CADPS2: variants seen among roughly 807,000 people sequenced by gnomAD.
CADPS2 encodes calcium-dependent secretion activator 2.
In CADPS2, 93 loss-of-function variants were observed where a neutral mutation model predicts 172.5. That is an observed-to-expected ratio of 0.54 (90% CI 0.46 to 0.64). The LOEUF (loss-of-function observed/expected upper bound fraction) is 0.64, where lower values mean the gene tolerates loss of function less well. Ranked by LOEUF, CADPS2 falls within the 30% of genes least tolerant of loss-of-function variation. CADPS2 has a pLI of 0.00. For synonymous variants in CADPS2, 546 were observed against 555.2 expected (o/e 0.98, Z 0.23); for missense variants, 1,420 against 1,565.9 (o/e 0.91, Z 1.57).
chr7:122,764,193 T>C (rs1254572357), intron 1 of CADPS2, among the ~76,000 whole-genome samples: 2 of 152,074 alleles, frequency 1.3e-5, no homozygotes, highest in Non-Finnish European at 2.9e-5. Flanking sequence ...GAATGCCTTA[T>C]CTGATCCCTA....
At chr7:122,790,254 CCAGGT>C (rs1794996387) in intron 1 of CADPS2, among the ~76,000 whole-genome samples, 1 of 151,484 alleles carries the variant, frequency 6.6e-6, no homozygotes, top group Non-Finnish European at 1.5e-5. Flanking sequence ...TAAAAATTAG[CCAGGT>C]GCAGTGATGT....
At chr7:122,834,805 A>T (rs1359602501) in intron 1 of CADPS2, among the ~76,000 whole-genome samples, 1 of 152,152 alleles carries the variant, frequency 6.6e-6, no homozygotes. Flanking sequence ...AACTGGGTGG[A>T]GCCCACCGCA....
intron 1 of CADPS2, among the ~76,000 whole-genome samples, chr7:122,835,905 T>C (rs1260366624): frequency 6.6e-6 from 1 of 152,032 alleles, no homozygotes; most frequent in African/African-American, 2.4e-5. Context: ...CAGGCCAACA[T>C]TCAAACTCAG....
intron 7 of CADPS2, among the ~76,000 whole-genome samples, chr7:122,563,953 G>A (rs973595048): frequency 6.6e-6 from 1 of 152,102 alleles, no homozygotes; most frequent in African/African-American, 2.4e-5. Context: ...CTCAAAGGTC[G>A]TGCCTAAAGG....
Position 122,663,275 on chromosome 7 carries a change from T to C in CADPS2, c.748A>G (p.Lys250Glu). 1 of 1,613,736 alleles carries C rather than the reference T, an allele frequency of 6.2e-7. No individual in the cohort carries two copies. The highest frequency in any genetic ancestry group is 8.5e-7 in the Non-Finnish European group (1 of 1,179,732). Residue 250 changes from lysine (K) to glutamate (E), a missense_variant, in exon 3 of 30, where the codon AAA becomes GAA. By Grantham distance (56) the Lys-to-Glu change is moderately conservative. Transcript: ENST00000449022. ...YEMFQQILGI[K>E]KLEHQLLYNA... The stretch of plus-strand genomic sequence containing the variant: ...TAAAGGAGCTGGTGTTCCAGTTTTT[T>C]AATACCCAGAATCTGCTGAAACATT...
At position 122,637,208 on chromosome 7, in the gene CADPS2, T is replaced by TTTTTTTTCTC. The variant is rs778963218; in HGVS notation, c.787-7881_787-7880insGAGAAAAAAA. 2.6e-3 allele frequency among the ~76,000 whole-genome samples: 162 copies of TTTTTTTTCTC among 62,672 alleles called. 26 individuals carry two copies. Among genetic ancestry groups the TTTTTTTTCTC allele is most frequent in the Admixed American group, 7.9e-3 (30 of 3,790 alleles). The allele number at this position is 62,672 out of a possible 152,430, so 41.1% of individuals were successfully genotyped here. A position where few individuals can be genotyped will look rare whatever the true frequency, so the allele number is the denominator to read the frequency against. On this transcript the variant is annotated intron_variant, in intron 3 of 29. Coordinates refer to ENST00000449022, the MANE Select transcript of CADPS2 (RefSeq NM_017954.11). ...TTTTTTTTTTTTTTTTTTTTTTTTT[T>TTTTTTTTCTC]CCTGAGACAGGGTCTCACTCTGTGG...
At chr7:122,449,465 A>C (rs917666036) in intron 15 of CADPS2, among the ~76,000 whole-genome samples, 5 of 152,012 alleles carry the variant, frequency 3.3e-5, no homozygotes, top group African/African-American at 4.8e-5. Flanking sequence ...ACAGGCACAC[A>C]CCACCACACC....
intron 1 of CADPS2, among the ~76,000 whole-genome samples, chr7:122,765,013 G>A (rs994728777): frequency 6.6e-6 from 1 of 152,086 alleles, no homozygotes; most frequent in African/African-American, 2.4e-5. Context: ...CACCAAGTAG[G>A]TGCACTTTCT....
At chr7:122,428,466 TATA>T (rs1482393069) in intron 17 of CADPS2, among the ~76,000 whole-genome samples, 630 of 128,616 alleles carry the variant, frequency 4.9e-3, no homozygotes, top group African/African-American at 0.018. Flanking sequence ...TATATATATA[TATA>T]TATTTTTTTT....
At chr7:122,869,103 G>C in intron 1 of CADPS2, among the ~76,000 whole-genome samples, 1 of 152,150 alleles carries the variant, frequency 6.6e-6, no homozygotes, top group South Asian at 2.1e-4. Flanking sequence ...CAGAGTACCA[G>C]AGGGAGAAAA....
At chr7:122,660,941 G>A (rs1244857390) in intron 3 of CADPS2, among the ~76,000 whole-genome samples, 1 of 151,924 alleles carries the variant, frequency 6.6e-6, no homozygotes, top group East Asian at 1.9e-4. Context: ...AGACCCAATT[G>A]CACACTGTCT....
intron 14 of CADPS2, among the ~76,000 whole-genome samples, chr7:122,468,759 T>C (rs1265617148): frequency 1.3e-5 from 2 of 152,200 alleles, no homozygotes; most frequent in Non-Finnish European, 2.9e-5. Flanking sequence ...GGTCTTTCAC[T>C]GTGGCAGCAT....
rs1305762261 is a variant in CADPS2 at position 122,393,260 on chromosome 7, G to A, written c.2944C>T (p.Leu982Phe). 6.2e-7 allele frequency: 1 copy of A among 1,613,792 alleles called. No homozygotes were observed. The highest frequency in any genetic ancestry group is 8.5e-7 in the Non-Finnish European group (1 of 1,179,820). The change falls in exon 22 of 30, where the codon CTT (leucine) becomes TTT (phenylalanine). Residue 982 changes from leucine (L) to phenylalanine (F), a missense_variant. Physicochemically the swap from Leu to Phe is conservative, Grantham distance 22. Coordinates refer to ENST00000449022, the MANE Select transcript of CADPS2 (RefSeq NM_017954.11). ...VALPKVPSLPLNLPQIPNIST... is the reference protein window; with the variant it reads ...VALPKVPSLPFNLPQIPNIST... ...ATGTTAGGAATCTGTGGAAGATTAA[G>A]AGGCAGACTTGGAACTTTTGGAAGA...
At chr7:122,484,666 CT>C (rs34182273) in intron 11 of CADPS2, among the ~76,000 whole-genome samples, 54,896 of 145,660 alleles carry the variant, frequency 0.38, 10,095 homozygotes, top group Admixed American at 0.41. Context: ...TTAAGAATTT[CT>C]TTTTTTTTTT....
chr7:122,688,174 G>A (rs2083876953), intron 2 of CADPS2, among the ~76,000 whole-genome samples: 1 of 152,198 alleles, frequency 6.6e-6, no homozygotes, highest in South Asian at 2.1e-4. Context: ...TGTATCCATG[G>A]TGTGTTGGTA....
chr7:122,332,471 T>C (rs1032365603), intron 28 of CADPS2, among the ~76,000 whole-genome samples: 2 of 151,904 alleles, frequency 1.3e-5, no homozygotes, highest in Non-Finnish European at 2.9e-5. Context: ...TAAAGTCATA[T>C]TCAGGGCAAT....
chr7:122,393,987 G>A (rs962133183), intron 20 of CADPS2, among the ~76,000 whole-genome samples: 4 of 152,238 alleles, frequency 2.6e-5, no homozygotes, highest in Middle Eastern at 3.4e-3. Context: ...GTATCACAGA[G>A]GAGCTAAACC....
chr7:122,651,850 A>C (rs958046132), intron 3 of CADPS2, among the ~76,000 whole-genome samples: 1 of 152,226 alleles, frequency 6.6e-6, no homozygotes, highest in Non-Finnish European at 1.5e-5. Flanking sequence ...AAATTATAGG[A>C]GTAGATATGG....
intron 25 of CADPS2, among the ~76,000 whole-genome samples, chr7:122,368,766 G>A (rs1401208535): frequency 6.6e-6 from 1 of 152,072 alleles, no homozygotes; most frequent in Non-Finnish European, 1.5e-5. Context: ...CATTCCGTGC[G>A]CCATGAGTTT....
Sources: allele counts gnomAD v4.1 joint callset (sites outside exome capture counted in the v4.1 genomes callset), GRCh38; gene constraint gnomAD v4.1.1; transcripts MANE v1.5; gene names NCBI Gene and HGNC (gene_info 2026-07-23, HGNC 2026-07-21).